LHCGR: variants seen among roughly 807,000 people sequenced by gnomAD.
LHCGR encodes the protein lutropin-choriogonadotropic hormone receptor.
Under a neutral mutation model 60.7 loss-of-function variants are expected in LHCGR, and 55 were observed. The observed-to-expected ratio is 0.91, with a 90% CI of 0.73 to 1.13. The LOEUF (loss-of-function observed/expected upper bound fraction) is 1.13, where lower values mean the gene tolerates loss of function less well. Ranked by LOEUF, LHCGR falls within the 50% of genes most tolerant of loss-of-function variation. LHCGR has a pLI of 0.00. For missense variants in LHCGR, 862 were observed against 836.0 expected, an observed-to-expected ratio of 1.03 and a Z score of -0.38; for synonymous variants, 337 against 316.5, an observed-to-expected ratio of 1.06 and a Z score of -0.69.
In LHCGR at chr2:48,746,166, C is replaced by G. The variant is rs181584505; in HGVS notation, c.161+9345G>C. On this transcript the variant is annotated intron_variant, in intron 1 of 10. Coordinates refer to ENST00000294954, the MANE Select transcript of LHCGR (RefSeq NM_000233.4). Reference sequence around the variant, plus strand: ...GCTTACTGTGAAAGATTTAGGCCACCTAGGCTACATTTTATGACATCTCTA... The same window carrying G: ...GCTTACTGTGAAAGATTTAGGCCACGTAGGCTACATTTTATGACATCTCTA... 4.6e-5 allele frequency among the ~76,000 whole-genome samples: 7 copies of G among 152,266 alleles called. No homozygotes were observed. In the East Asian group the frequency reaches 1.3e-3, roughly 29 times the overall value.
At chr2:48,713,925 C>T (rs1236344282) in intron 7 of LHCGR, 61 bp downstream of exon 7, 7 of 1,268,886 alleles carry the variant, frequency 5.5e-6, no homozygotes, top group African/African-American at 1.5e-5. Flanking sequence ...TGAATGTGAT[C>T]TTGTAGCCAG....
intron 6 of LHCGR, 54 bp from the exon 7 acceptor site, chr2:48,714,108 T>C: frequency 7.7e-7 from 1 of 1,298,834 alleles, no homozygotes; most frequent in African/African-American, 1.5e-5. Flanking sequence ...AGAAACAGTT[T>C]GGAAACACAT....
intron 6 of LHCGR, among the ~76,000 whole-genome samples, chr2:48,717,622 C>T (rs1386926650): frequency 6.6e-6 from 1 of 151,900 alleles, no homozygotes; most frequent in Non-Finnish European, 1.5e-5. Flanking sequence ...CCTTTCCATG[C>T]TCTGGACAGG....
chr2:48,746,009 GGTT>G (rs1669688119), intron 1 of LHCGR, among the ~76,000 whole-genome samples: 1 of 151,896 alleles, frequency 6.6e-6, no homozygotes, highest in Non-Finnish European at 1.5e-5. Context: ...AGCCAGCCTG[GGTT>G]CAAATCAAAA....
At position 48,743,145 on chromosome 2, in the gene LHCGR, A is replaced by G. The variant is rs138973297; in HGVS notation, c.162-11847T>C. 3.6e-3 allele frequency among the ~76,000 whole-genome samples: 541 copies of G among 152,358 alleles called. 3 individuals are homozygous for G. Among genetic ancestry groups the G allele is most frequent in the African/African-American group, 0.012 (508 of 41,582 alleles). On this transcript the variant is annotated intron_variant, in intron 1 of 10. Coordinates refer to ENST00000294954, the MANE Select transcript of LHCGR (RefSeq NM_000233.4). ...ACACTTTTCCAAGACTAAACCAGGAAGAAGCTGAATCTCTGAATAGACCAA... is the reference window on the plus strand; with the variant it reads ...ACACTTTTCCAAGACTAAACCAGGAGGAAGCTGAATCTCTGAATAGACCAA...
intron 1 of LHCGR, among the ~76,000 whole-genome samples, chr2:48,748,959 C>T (rs1447394597): frequency 5.3e-5 from 8 of 152,314 alleles, no homozygotes; most frequent in African/African-American, 1.4e-4. Context: ...TACCCTGTCA[C>T]ACCACAGCAT....
intron 10 of LHCGR, among the ~76,000 whole-genome samples, chr2:48,691,183 G>A (rs944343970): frequency 1.3e-5 from 2 of 152,124 alleles, no homozygotes; most frequent in African/African-American, 4.8e-5. Context: ...ATTATTAAAA[G>A]CATATTTTTC....
intron 1 of LHCGR, among the ~76,000 whole-genome samples, chr2:48,735,198 T>C (rs558090304): frequency 1.1e-4 from 17 of 152,184 alleles, no homozygotes; most frequent in Non-Finnish European, 2.4e-4. Flanking sequence ...CCCCAACCCT[T>C]CTAGTTGTGT....
Position 48,688,985 on chromosome 2 carries a change from A to C in LHCGR, c.948-136T>G. The C allele has an allele frequency of 1.2e-6, 1 of 808,724 alleles. No homozygotes were observed. 50.1% of individuals were successfully genotyped at this position (808,724 alleles called of 1,614,324 possible). ...GCCTCAGCCTTACATTTATTTGTTA[A>C]ATTATTTGAGAACTCTGATTTGATG... On this transcript the variant is annotated intron_variant, in intron 10 of 10. Transcript: ENST00000294954. This position sits in a 1 kb window ranked among gnomAD's most constrained non-coding sequence, Gnocchi z 5.2.
At chr2:48,737,876 C>T (rs187534414) in intron 1 of LHCGR, among the ~76,000 whole-genome samples, 9 of 152,300 alleles carry the variant, frequency 5.9e-5, no homozygotes, top group Non-Finnish European at 1.2e-4. Flanking sequence ...CCTCACTTTA[C>T]AGAGAAAGAA....
At chr2:48,701,543 C>T (rs1019869877) in intron 8 of LHCGR, among the ~76,000 whole-genome samples, 3 of 152,154 alleles carry the variant, frequency 2.0e-5, no homozygotes, top group Admixed American at 1.3e-4. Context: ...GGTGTTCGTT[C>T]AAACGACACT....
At chr2:48,748,748 T>C (rs150708248) in intron 1 of LHCGR, among the ~76,000 whole-genome samples, 137 of 152,354 alleles carry the variant, frequency 9.0e-4, no homozygotes, top group African/African-American at 3.3e-3. Context: ...TTGGCTTTTT[T>C]TGGTCTCATT....
chr2:48,751,508 T>C (rs1669954321), intron 1 of LHCGR, among the ~76,000 whole-genome samples: 1 of 152,236 alleles, frequency 6.6e-6, no homozygotes, highest in Non-Finnish European at 1.5e-5. Flanking sequence ...TAGTGATTAA[T>C]TCATTCTGTG....
intron 7 of LHCGR, among the ~76,000 whole-genome samples, chr2:48,711,221 C>T (rs191550431): frequency 1.3e-5 from 2 of 152,304 alleles, no homozygotes; most frequent in East Asian, 3.9e-4. Context: ...CTAAATCGTT[C>T]ACCCCTCATA....
At position 48,755,011 on chromosome 2, in the gene LHCGR, G is replaced by A. The variant is rs192397569; in HGVS notation, c.161+500C>T. ...GGCTTGTGTGCTCACTAAGATGCCC[G>A]TGTGACTGCCAGCAGTCAGTTGACA... On this transcript the variant is annotated intron_variant, in intron 1 of 10. Coordinates refer to ENST00000294954, the MANE Select transcript of LHCGR (RefSeq NM_000233.4). Among the ~76,000 whole-genome samples, 855 of 152,184 alleles carry A rather than the reference G, an allele frequency of 5.6e-3. 12 individuals are homozygous for A. The highest frequency in any genetic ancestry group is 0.019 in the African/African-American group (797 of 41,520).
At chr2:48,742,862 T>C (rs1375433255) in intron 1 of LHCGR, among the ~76,000 whole-genome samples, 1 of 151,862 alleles carries the variant, frequency 6.6e-6, no homozygotes, top group Non-Finnish European at 1.5e-5. Context: ...CTGAAGGACA[T>C]AGAGACACAA....
chr2:48,687,688 A>C lies in LHCGR; in HGVS notation c.*9T>G. 6.3e-7 allele frequency: 1 copy of C among 1,599,900 alleles called. No homozygotes were observed. The highest frequency in any genetic ancestry group is 8.6e-7 in the Non-Finnish European group (1 of 1,167,004). On this transcript the variant is annotated 3_prime_UTR_variant, in exon 11 of 11. Coordinates refer to ENST00000294954, the MANE Select transcript of LHCGR (RefSeq NM_000233.4). ...GAACAATTCAATAATGCAGTTACTG[A>C]TGTAACAGTTAACACTCTGTGTAGC... is the stretch of plus-strand genomic sequence containing the variant.
intron 3 of LHCGR, among the ~76,000 whole-genome samples, chr2:48,728,241 C>T (rs1303197433): frequency 1.3e-5 from 2 of 152,096 alleles, no homozygotes; most frequent in Non-Finnish European, 2.9e-5. Context: ...CTGTGCCTTT[C>T]CAAGCCTCCA....
At chr2:48,732,796 T>C (rs1669055165) in intron 1 of LHCGR, 2 of 526,118 alleles carry the variant, frequency 3.8e-6, no homozygotes, top group African/African-American at 3.9e-5. Context: ...AGGGAGGAAA[T>C]TTCATTTCAG....
Sources: allele counts gnomAD v4.1 joint callset (sites outside exome capture counted in the v4.1 genomes callset), GRCh38; gene constraint gnomAD v4.1.1; non-coding constraint Gnocchi (gnomAD v3.1); transcripts MANE v1.5; gene names NCBI Gene and HGNC (gene_info 2026-07-23, HGNC 2026-07-21).